The following ABTB1 variants were observed in gnomAD, a reference collection of about 807,000 sequenced individuals.
ABTB1 encodes ankyrin repeat and BTB domain containing 1.
ABTB1 carries 45 observed loss-of-function variants against 57.1 expected under a neutral mutation model. The observed-to-expected ratio is 0.79, with a 90% CI of 0.62 to 1.01. The LOEUF (loss-of-function observed/expected upper bound fraction) is 1.01. Ranked by LOEUF, ABTB1 falls within the 50% of genes least tolerant of loss-of-function variation. The pLI is 0.00. For missense variants in ABTB1, 630 were observed against 666.3 expected (o/e 0.95, Z 0.60); for synonymous variants, 302 against 275.4 (o/e 1.10, Z -0.95).
At chr3:127,674,349 T>G in intron 1 of ABTB1, 42 bp from the exon 2 acceptor site, 1 of 1,582,956 alleles carries the variant, frequency 6.3e-7, no homozygotes, top group Non-Finnish European at 8.6e-7. Context: ...TCTCAGACCA[T>G]GAACCCGTCC....
Position 127,677,181 on chromosome 3 carries a change from A to T in ABTB1, c.657A>T (p.Pro219=). ...EKVSEFVASK[P]GTCVKVLTIE... is the part of the protein sequence containing the mutation. ...CTTCCCCTGTAGTGGCGTCTAAGCC[A>T]GGCACGTGTGTGAAGGTGCTGACCA... Residue 219 remains proline (P), a synonymous_variant, in exon 8 of 12, where the codon CCA becomes CCT. Transcript: ENST00000232744. 6.2e-7 allele frequency: 1 copy of T among 1,613,370 alleles called. No homozygotes were observed. Among genetic ancestry groups the T allele is most frequent in the Non-Finnish European group, 8.5e-7 (1 of 1,179,764 alleles).
intron 10 of ABTB1, chr3:127,679,527 C>T (rs1173295908): frequency 6.6e-6 from 3 of 457,740 alleles, no homozygotes; most frequent in East Asian, 1.4e-4. Context: ...TGGCAGAGTC[C>T]CTGCATAGGT....
chr3:127,673,316 GGGACTGCTCA>G (rs2074893472), intron 1 of ABTB1: 2 of 349,164 alleles, frequency 5.7e-6, no homozygotes. Context: ...CCTGTAAGAA[GGGACTGCTCA>G]GCGGAGGCCC....
At position 127,680,510 on chromosome 3, in the gene ABTB1, C is replaced by T; in HGVS notation, c.*35C>T. 6.3e-7 allele frequency: 1 copy of T among 1,593,698 alleles called. No homozygotes were observed. The highest frequency in any genetic ancestry group is 1.7e-4 in the Middle Eastern group (1 of 6,048). ...TGGGCAGCCCCAGGGGCCAGGAGCT[C>T]TCTTGGAGACAAGCATGTGTATGCG... On this transcript the variant is annotated 3_prime_UTR_variant, in exon 12 of 12. Coordinates refer to ENST00000232744, the MANE Select transcript of ABTB1 (RefSeq NM_172027.3).
chr3:127,674,455 T>A lies in ABTB1; in HGVS notation c.119+2T>A, dbSNP rs2074929011. 2 of 1,544,348 alleles carry A rather than the reference T, an allele frequency of 1.3e-6. No individual in the cohort carries two copies. Among genetic ancestry groups the A allele is most frequent in the African/African-American group, 2.9e-5 (2 of 68,346 alleles). ...GGACAAGTGGGACAGCACCCCCTTG[T>A]GAGTGCTGGAGAGAGGGGTGGGGAG... On this transcript the variant is annotated splice_donor_variant, in intron 2 of 11. Coordinates refer to ENST00000232744, the MANE Select transcript of ABTB1 (RefSeq NM_172027.3). LOFTEE classifies it high-confidence loss of function.
At chr3:127,679,354 G>T (rs1309200580) in intron 10 of ABTB1, 1 of 352,514 alleles carries the variant, frequency 2.8e-6, no homozygotes, top group African/African-American at 2.1e-5. Flanking sequence ...TGTGGTCGCA[G>T]AGCTCCCCTT....
At chr3:127,673,607 C>T (rs1401241906) in intron 1 of ABTB1, 1 of 152,604 alleles carries the variant, frequency 6.6e-6, no homozygotes, top group Non-Finnish European at 1.5e-5. Context: ...AAGGGGTGCC[C>T]AGTTGGGTTC....
At chr3:127,674,947 G>A (rs2074943820) in intron 3 of ABTB1, among the ~76,000 whole-genome samples, 1 of 152,154 alleles carries the variant, frequency 6.6e-6, no homozygotes, top group African/African-American at 2.4e-5. Context: ...CTAGGATACA[G>A]TGAGCCTGCC....
intron 10 of ABTB1, chr3:127,679,643 T>A (rs1279721934): frequency 1.8e-5 from 9 of 506,794 alleles, no homozygotes; most frequent in Non-Finnish European, 3.1e-5. Context: ...GTGCAGTGAC[T>A]TGCCCAGGGC....
Position 127,677,291 on chromosome 3 carries a change from G to C in ABTB1, c.762+5G>C. 8 of 1,588,856 alleles carry C rather than the reference G, an allele frequency of 5.0e-6. No homozygotes were observed. The highest frequency in any genetic ancestry group is 6.8e-6 in the Non-Finnish European group (8 of 1,168,264). On this transcript the variant is annotated splice_donor_5th_base_variant and intron_variant, in intron 8 of 11. Transcript: ENST00000232744. ...GCCCTGCCCCCCGAGCTCCGAGTAA[G>C]TGCGGGGCTGGTGGGCAGGAAGGGC...
chr3:127,679,684 G>T (rs1269392074), intron 10 of ABTB1: 1 of 546,464 alleles, frequency 1.8e-6, no homozygotes, highest in East Asian at 4.1e-5. Flanking sequence ...ACCCAGGTCT[G>T]TATAACTCGG....
At position 127,677,226 on chromosome 3, in the gene ABTB1, C is replaced by G. The variant is rs35237193; in HGVS notation, c.702C>G (p.Asp234Glu). Residue 234 changes from aspartate to glutamate, a missense_variant, in exon 8 of 12, where the codon GAC becomes GAG. Around this residue, in one of 3 missense-constraint regions of ABTB1, gnomAD observed 579 missense variants for 585.9 expected, o/e 0.99. Coordinates refer to ENST00000232744, the MANE Select transcript of ABTB1 (RefSeq NM_172027.3). ...KVLTIEPPPADPRLREDMALL... is the reference protein window; with the variant it reads ...KVLTIEPPPAEPRLREDMALL... ...TGACCATCGAGCCCCCACCTGCAGA[C>G]CCCCGCCTCCGGGAGGACATGGCGC... The G allele has an allele frequency of 6.2e-7, 1 of 1,606,134 alleles. No homozygotes were observed. The highest frequency in any genetic ancestry group is 1.3e-5 in the African/African-American group (1 of 74,826).
rs1576446586 is a variant in ABTB1, at chr3:127,676,661, T to A, written c.526+80T>A. 4 of 1,567,452 alleles carry A rather than the reference T, an allele frequency of 2.6e-6. No homozygotes were observed. The East Asian group carries it at 9.0e-5, about 35-fold the overall frequency. ...GCAGTACACCTAGGTGTGGCTGGGC[T>A]GACCTTTCACCTCTAGACACTTCAT... On this transcript the variant is annotated intron_variant, in intron 6 of 11. Transcript: ENST00000232744. The surrounding 1 kb of genome is among the most constrained non-coding windows in gnomAD (Gnocchi z 5.4).
At chr3:127,679,665 A>G (rs1206606408) in intron 10 of ABTB1, 2 of 531,496 alleles carry the variant, frequency 3.8e-6, no homozygotes, top group African/African-American at 1.9e-5. Flanking sequence ...CCACAGCTAG[A>G]AGTGTCAGAC....
chr3:127,673,686 C>G (rs1488905208), intron 1 of ABTB1: 1 of 154,378 alleles, frequency 6.5e-6, no homozygotes, highest in Non-Finnish European at 1.4e-5. Context: ...CCTTCCTCCC[C>G]CTTGACCTGG....
chr3:127,680,231 A>G (rs2075098761), intron 11 of ABTB1, 38 bp from the exon 12 acceptor site: 15 of 1,612,756 alleles, frequency 9.3e-6, no homozygotes, highest in Non-Finnish European at 1.3e-5. Context: ...GTGAGAGGGC[A>G]GGCACCCCTC....
At position 127,676,941 on chromosome 3, in the gene ABTB1, G is replaced by A; in HGVS notation, c.527-26G>A. Reference sequence around the variant, plus strand: ...CCTGATGACAGCTGAGGTCCCGCAGGCCCTCATCCTCCCCACTGCCCCCAG... The same window carrying A: ...CCTGATGACAGCTGAGGTCCCGCAGACCCTCATCCTCCCCACTGCCCCCAG... On this transcript the variant is annotated intron_variant, in intron 6 of 11. Coordinates refer to ENST00000232744, the MANE Select transcript of ABTB1 (RefSeq NM_172027.3). The surrounding 1 kb of genome is among the most constrained non-coding windows in gnomAD (Gnocchi z 5.4). The A allele has an allele frequency of 6.2e-7, 1 of 1,607,264 alleles. No homozygotes were observed. Among genetic ancestry groups the A allele is most frequent in the African/African-American group, 1.3e-5 (1 of 74,922 alleles).
Position 127,675,315 on chromosome 3 carries a change from T to C in ABTB1, c.176-655T>C, listed in dbSNP as rs577312152. On this transcript the variant is annotated intron_variant, in intron 3 of 11. Transcript: ENST00000232744. ...CAGAGTCTTGCTCTGTCACCCAGGC[T>C]GGAGTGTAGTAGTGTGATCTCGGTT... is the stretch of plus-strand genomic sequence containing the variant. 4.1e-5 allele frequency among the ~76,000 whole-genome samples: 6 copies of C among 146,768 alleles called. No individual in the cohort carries two copies. In the East Asian group the frequency reaches 1.2e-3, roughly 30 times the overall value.
chr3:127,675,992 C>G lies in ABTB1; in HGVS notation c.198C>G (p.Thr66=). The G allele has an allele frequency of 6.2e-7, 1 of 1,611,172 alleles. No homozygotes were observed. The highest frequency in any genetic ancestry group is 8.5e-7 in the Non-Finnish European group (1 of 1,178,772). ...CAGGAGCCCGCTGCGAGGCCAACAC[C>G]TTCGATGGTGAGCGCTGCCTCTATG... ...LANGARCEAN[T]FDGERCLYGA... Residue 66 remains threonine, a synonymous_variant, in exon 4 of 12, where the codon ACC becomes ACG. Coordinates refer to ENST00000232744, the MANE Select transcript of ABTB1 (RefSeq NM_172027.3).
Sources: gnomAD v4.1 joint callset for allele counts (sites outside exome capture counted in the v4.1 genomes callset) on GRCh38, gnomAD v4.1.1 for gene constraint, gnomAD v4.1.1 regional missense constraint, Gnocchi (gnomAD v3.1) non-coding constraint, MANE v1.5 for transcripts, NCBI Gene and HGNC (gene_info 2026-07-23, HGNC 2026-07-21) for gene names.